Variants in B3GALT1 observed in about 807,000 individuals in gnomAD.
B3GALT1 encodes beta-1,3-galactosyltransferase 1, also known as UDP-Gal:betaGlcNAc beta 1,3-galactosyltransferase, polypeptide 1.
A neutral mutation model predicts 23.2 loss-of-function variants in B3GALT1; 10 were observed. The observed-to-expected ratio is 0.43, with a 90% CI of 0.27 to 0.73. The LOEUF (loss-of-function observed/expected upper bound fraction) is 0.73, where lower values mean the gene tolerates loss of function less well. B3GALT1 is among the 30% of genes least tolerant of loss of function. The pLI is 0.21. For synonymous variants in B3GALT1, 156 were observed against 141.5 expected, an observed-to-expected ratio of 1.10 and a Z score of -0.73; for missense variants, 299 against 405.4, an observed-to-expected ratio of 0.74 and a Z score of 2.25.
intron 1 of B3GALT1, among the ~76,000 whole-genome samples, chr2:167,364,546 T>C (rs1697556388): frequency 6.6e-6 from 1 of 151,994 alleles, no homozygotes; most frequent in Non-Finnish European, 1.5e-5. Flanking sequence ...TGTCCAAGTG[T>C]TCTCATTGTT....
intron 1 of B3GALT1, among the ~76,000 whole-genome samples, chr2:167,477,801 C>T (rs1048942900): frequency 2.6e-5 from 4 of 152,196 alleles, no homozygotes; most frequent in African/African-American, 9.7e-5. Context: ...TCCTCAGACA[C>T]ATTCCATTGA....
intron 2 of B3GALT1, among the ~76,000 whole-genome samples, chr2:167,548,282 T>G (rs1486121005): frequency 6.6e-6 from 1 of 152,080 alleles, no homozygotes; most frequent in South Asian, 2.1e-4. Flanking sequence ...GAGAAGGAAA[T>G]CAAAAAGAGA....
At position 167,873,740 on chromosome 2, in the gene B3GALT1, A is replaced by G. The variant is rs1379232435; in HGVS notation, c.*3720A>G. The G allele has an allele frequency of 6.6e-6, 1 of 152,254 alleles. No homozygotes were observed. The highest frequency in any genetic ancestry group is 2.4e-5 in the African/African-American group (1 of 41,474). The allele number at this position is 152,254 out of a possible 1,614,324, so 9.4% of individuals were successfully genotyped here. ...ATGTATTTATTTGTCAAAATTGTAC[A>G]TACTGTTTCGCCAAAAGTAATTGTC... On this transcript the variant is annotated 3_prime_UTR_variant, in exon 5 of 5. Transcript: ENST00000392690.
intron 1 of B3GALT1, among the ~76,000 whole-genome samples, chr2:167,438,699 C>A (rs1372695657): frequency 6.6e-6 from 1 of 152,186 alleles, no homozygotes; most frequent in Admixed American, 6.5e-5. Flanking sequence ...CCCCACAGGG[C>A]AGACTGAGGA....
intron 3 of B3GALT1, among the ~76,000 whole-genome samples, chr2:167,789,547 G>C (rs1185228337): frequency 6.6e-6 from 1 of 152,092 alleles, no homozygotes; most frequent in Non-Finnish European, 1.5e-5. Flanking sequence ...TAATGATGAT[G>C]GTGATAGTTA....
chr2:167,836,431 T>A (rs868205928), intron 4 of B3GALT1, among the ~76,000 whole-genome samples: 3 of 151,910 alleles, frequency 2.0e-5, no homozygotes, highest in Admixed American at 6.6e-5. Context: ...GTATCAGCAA[T>A]GGAAGATGAA....
At chr2:167,591,186 TAAA>T (rs951427966) in intron 2 of B3GALT1, among the ~76,000 whole-genome samples, 3 of 152,132 alleles carry the variant, frequency 2.0e-5, no homozygotes, top group African/African-American at 7.2e-5. Context: ...TGTAAGAACG[TAAA>T]AATTTGAGAG....
chr2:167,681,872 A>G (rs1161688541), intron 3 of B3GALT1, among the ~76,000 whole-genome samples: 1 of 152,244 alleles, frequency 6.6e-6, no homozygotes, highest in African/African-American at 2.4e-5. Context: ...TTTCAGAACA[A>G]TGAAGAATTA....
At chr2:167,863,426 C>T (rs1452990760) in intron 4 of B3GALT1, among the ~76,000 whole-genome samples, 2 of 152,180 alleles carry the variant, frequency 1.3e-5, no homozygotes, top group African/African-American at 4.8e-5. Flanking sequence ...AGAACCCTTT[C>T]CCCGGAAGCT....
chr2:167,503,523 A>G (rs2195790), intron 2 of B3GALT1, among the ~76,000 whole-genome samples: 1,861 of 152,346 alleles, frequency 0.012, 18 homozygotes, highest in Middle Eastern at 0.02. Flanking sequence ...AACTCTTTAC[A>G]GTAAATGTGA....
chr2:167,297,094 A>G (rs1696363531), intron 1 of B3GALT1, among the ~76,000 whole-genome samples: 2 of 152,172 alleles, frequency 1.3e-5, no homozygotes. Context: ...TCTAAAGATG[A>G]TTATTCAGCA....
At chr2:167,398,009 A>G (rs1329577170) in intron 1 of B3GALT1, among the ~76,000 whole-genome samples, 1 of 152,162 alleles carries the variant, frequency 6.6e-6, no homozygotes, top group Non-Finnish European at 1.5e-5. Context: ...CTTGCACCTC[A>G]AGTGTTGTGG....
intron 3 of B3GALT1, among the ~76,000 whole-genome samples, chr2:167,801,109 G>T (rs1688630800): frequency 6.6e-6 from 1 of 152,198 alleles, no homozygotes. Context: ...CAGGCTCTTG[G>T]CTAGAATGCA....
At chr2:167,512,591 T>TGTATATATATATATGTATATATATATAC (rs1553463272) in intron 2 of B3GALT1, among the ~76,000 whole-genome samples, 2 of 41,858 alleles carry the variant, frequency 4.8e-5, no homozygotes, top group African/African-American at 1.8e-4. Context: ...TATATATATA[T>TGTATATATATATATGTATATATATATAC]GTGTATATAT....
intron 3 of B3GALT1, among the ~76,000 whole-genome samples, chr2:167,759,190 G>A (rs73019371): frequency 0.22 from 34,002 of 152,124 alleles, 4,341 homozygotes; most frequent in African/African-American, 0.35. Flanking sequence ...AGCAGAAGAC[G>A]GTAGGAGTGC....
At chr2:167,600,346 A>G (rs1417491407) in intron 2 of B3GALT1, among the ~76,000 whole-genome samples, 3 of 152,164 alleles carry the variant, frequency 2.0e-5, no homozygotes, top group African/African-American at 7.2e-5. Context: ...ATCTATAGTC[A>G]CTATTTATTT....
intron 2 of B3GALT1, among the ~76,000 whole-genome samples, chr2:167,560,090 G>GAA (rs1202251345): frequency 1.3e-5 from 2 of 152,176 alleles, no homozygotes; most frequent in South Asian, 2.1e-4. Flanking sequence ...AAGCCCATCA[G>GAA]ACTAACAGCA....
chr2:167,607,182 A>G (rs182676451), intron 2 of B3GALT1, among the ~76,000 whole-genome samples: 3 of 152,336 alleles, frequency 2.0e-5, no homozygotes, highest in Admixed American at 2.0e-4. Flanking sequence ...TCTACCTGAA[A>G]AGGGAAAATG....
chr2:167,562,514 A>T (rs1028555599), intron 2 of B3GALT1, among the ~76,000 whole-genome samples: 309 of 152,180 alleles, frequency 2.0e-3, no homozygotes, highest in Middle Eastern at 0.01. Flanking sequence ...AGGAAGTCAA[A>T]TTGTCCCTGT....
Sources: allele counts gnomAD v4.1 joint callset (sites outside exome capture counted in the v4.1 genomes callset), GRCh38; gene constraint gnomAD v4.1.1; transcripts MANE v1.5; gene names NCBI Gene and HGNC (gene_info 2026-07-23, HGNC 2026-07-21).